POGK: variants seen among roughly 807,000 people sequenced by gnomAD.
POGK encodes the protein pogo transposable element derived with KRAB domain.
Under a neutral mutation model 54.4 loss-of-function variants are expected in POGK, and 16 were observed. The ratio of observed to expected loss-of-function variants is 0.29; its 90% CI spans 0.20 to 0.45. POGK has a LOEUF of 0.45. Among genes scored for constraint, POGK ranks in the 20% least tolerant of loss-of-function variants. The probability of loss-of-function intolerance (pLI) is 1.00; values close to 1 mark genes in which losing one functional copy is unlikely to be tolerated. For missense variants in POGK, 515 were observed against 795.6 expected (o/e 0.65, Z 4.24); for synonymous variants, 271 against 302.2 (o/e 0.90, Z 1.07).
chr1:166,855,633 A>G lies in POGK; in HGVS notation c.*3063A>G, dbSNP rs951634274. 4.6e-5 allele frequency: 7 copies of G among 152,292 alleles called. No homozygotes were observed. The highest frequency in any genetic ancestry group is 1.7e-4 in the African/African-American group (7 of 41,464). The allele number at this position is 152,292 out of a possible 1,614,324, so 9.4% of individuals were successfully genotyped here. A position where few individuals can be genotyped will look rare whatever the true frequency, so the allele number is the denominator to read the frequency against. ...ATACATGAGGCAAAGGCAGTCTTCC[A>G]GCATTCTATGGTCCCACCAGGTGGG... On this transcript the variant is annotated 3_prime_UTR_variant, in exon 6 of 6. Transcript: ENST00000367876.
rs1043069783 is a variant in POGK, at chr1:166,848,924, T to G, written c.359-14T>G. ...TACTGGCATTATTTTTGCCCCTCAC[T>G]ATTTGTCTCCCAGAAAATGAAGAAT... On this transcript the variant is annotated splice_polypyrimidine_tract_variant and intron_variant, in intron 4 of 5. Transcript: ENST00000367876. 1 of 1,571,956 alleles carries G rather than the reference T, an allele frequency of 6.4e-7. No homozygotes were observed. The highest frequency in any genetic ancestry group is 1.9e-5 in the Admixed American group (1 of 53,478).
intron 2 of POGK, among the ~76,000 whole-genome samples, chr1:166,844,402 G>C (rs957019366): frequency 2.6e-5 from 4 of 152,192 alleles, no homozygotes; most frequent in Non-Finnish European, 4.4e-5. Flanking sequence ...TTCTTTAAAA[G>C]CCTGGGAATT....
At chr1:166,848,690 C>T (rs1657937012) in intron 4 of POGK, among the ~76,000 whole-genome samples, 2 of 152,118 alleles carry the variant, frequency 1.3e-5, no homozygotes, top group Non-Finnish European at 2.9e-5. Flanking sequence ...ACCTCTGTAG[C>T]CTCCCCTTCT....
chr1:166,840,829 A>C, intron 1 of POGK, 126 bp from the exon 2 acceptor site: 1 of 1,204,268 alleles, frequency 8.3e-7, no homozygotes, highest in East Asian at 2.4e-5. Flanking sequence ...TTGTTTCCTT[A>C]CTTCCCTCCA....
At chr1:166,856,356 AAAAG>A (rs1382370060) in exon 6 of POGK, 19 of 151,936 alleles carry the variant, frequency 1.3e-4, no homozygotes, top group Admixed American at 1.1e-3. Context: ...AAAAAAAAAA[AAAAG>A]AAATGGCATA....
At chr1:166,848,868 C>A in intron 4 of POGK, 70 bp from the exon 5 acceptor site, 2 of 1,501,110 alleles carry the variant, frequency 1.3e-6, no homozygotes, top group Non-Finnish European at 1.8e-6. Flanking sequence ...GCATTTCAAC[C>A]CCCAAAAATC....
chr1:166,852,186 A>G (rs1282690261), intron 5 of POGK: 5 of 152,190 alleles, frequency 3.3e-5, no homozygotes, highest in African/African-American at 1.2e-4. Context: ...TTGAGTTTCC[A>G]TCTTTTCTTC....
Position 166,849,186 on chromosome 1 carries a change from G to T in POGK, c.607G>T (p.Gly203Trp). The change falls in exon 5 of 6, where the codon GGG becomes TGG. Residue 203 changes from glycine (G) to tryptophan (W), a missense_variant. By Grantham distance (184) the Gly-to-Trp change is radical. Coordinates refer to ENST00000367876, the MANE Select transcript of POGK (RefSeq NM_017542.5). ...GGGCATGCGCCGCAGTTACGACGCA[G>T]GGTTCAAGCTGATGGTAGTGGAATA... ...SRGMRRSYDAGFKLMVVEYAE... is the reference protein window; with the variant it reads ...SRGMRRSYDAWFKLMVVEYAE... The T allele has an allele frequency of 2.5e-6, 4 of 1,614,228 alleles. No homozygotes were observed. The highest frequency in any genetic ancestry group is 3.4e-6 in the Non-Finnish European group (4 of 1,180,050).
At chr1:166,844,090 A>G (rs913013492) in intron 2 of POGK, among the ~76,000 whole-genome samples, 1 of 152,190 alleles carries the variant, frequency 6.6e-6, no homozygotes, top group Non-Finnish European at 1.5e-5. Flanking sequence ...CTAAGCCACT[A>G]CACTGTGCCT....
At position 166,851,534 on chromosome 1, in the gene POGK, A is replaced by G. The variant is rs148931121; in HGVS notation, c.*15-1051A>G. 2.0e-4 allele frequency: 31 copies of G among 152,364 alleles called. 1 individual carries two copies. In the East Asian group the frequency reaches 6.0e-3, roughly 29 times the overall value. 9.4% of individuals were successfully genotyped at this position (152,364 alleles called of 1,614,324 possible). On this transcript the variant is annotated intron_variant, in intron 5 of 5. Transcript: ENST00000367876. ...AATAGGCCTGGAATTTTCTGGGTTGAGTACACAAGAAGAACAGCTTTCAAA... is the reference window on the plus strand; with the variant it reads ...AATAGGCCTGGAATTTTCTGGGTTGGGTACACAAGAAGAACAGCTTTCAAA...
At position 166,855,403 on chromosome 1, in the gene POGK, G is replaced by A. The variant is rs903093639; in HGVS notation, c.*2833G>A. On this transcript the variant is annotated 3_prime_UTR_variant, in exon 6 of 6. Coordinates refer to ENST00000367876, the MANE Select transcript of POGK (RefSeq NM_017542.5). ...CCTAATTAGAGAAGCGATTGCACTC[G>A]AGTCCCCACAGCTGGCAGTGGTGTT... 2.0e-5 allele frequency: 3 copies of A among 152,132 alleles called. No individual in the cohort carries two copies. The highest frequency in any genetic ancestry group is 2.0e-4 in the Admixed American group (3 of 15,282). The allele number at this position is 152,132 out of a possible 1,614,324, so 9.4% of individuals were successfully genotyped here. A position where few individuals can be genotyped will look rare whatever the true frequency, so the allele number is the denominator to read the frequency against.
At position 166,849,117 on chromosome 1, in the gene POGK, G is replaced by A; in HGVS notation, c.538G>A (p.Asp180Asn). 6.2e-7 allele frequency: 1 copy of A among 1,614,178 alleles called. No homozygotes were observed. The highest frequency in any genetic ancestry group is 8.5e-7 in the Non-Finnish European group (1 of 1,180,048). Reference sequence around the variant, plus strand: ...CATGGCCATGGGCTTCCCAGGGTATGACCTCTCGGCTGATGACATAGCTGG... The same window carrying A: ...CATGGCCATGGGCTTCCCAGGGTATAACCTCTCGGCTGATGACATAGCTGG... ...FYMAMGFPGY[D>N]LSADDIAGKF... Residue 180 changes from aspartate (D) to asparagine (N), a missense_variant, in exon 5 of 6, where the codon GAC (aspartate) becomes AAC (asparagine). Physicochemically the swap from Asp to Asn is conservative, Grantham distance 23. Transcript: ENST00000367876.
chr1:166,845,019 A>G (rs1481869859), intron 2 of POGK, among the ~76,000 whole-genome samples: 1 of 152,160 alleles, frequency 6.6e-6, no homozygotes, highest in East Asian at 1.9e-4. Context: ...AGGGAACTGC[A>G]CACAGCTGAG....
chr1:166,853,505 G>A lies in POGK; in HGVS notation c.*935G>A, dbSNP rs1183324314. On this transcript the variant is annotated 3_prime_UTR_variant, in exon 6 of 6. Coordinates refer to ENST00000367876, the MANE Select transcript of POGK (RefSeq NM_017542.5). ...TATCACGGGGCAGTGGGAGGGCTTG[G>A]GCTTTTAGCCACAGCTGTTTTAAGA... 2 of 152,562 alleles carry A rather than the reference G, an allele frequency of 1.3e-5. No homozygotes were observed. Among genetic ancestry groups the A allele is most frequent in the Non-Finnish European group, 1.5e-5 (1 of 68,040 alleles). 9.5% of individuals were successfully genotyped at this position (152,562 alleles called of 1,614,324 possible).
At position 166,846,745 on chromosome 1, in the gene POGK, C is replaced by T; in HGVS notation, c.259+7C>T. The T allele has an allele frequency of 1.9e-6, 3 of 1,613,986 alleles. No individual in the cohort carries two copies. The highest frequency in any genetic ancestry group is 2.2e-5 in the South Asian group (2 of 91,068). On this transcript the variant is annotated splice_region_variant and intron_variant, in intron 3 of 5. Transcript: ENST00000367876. ...GAAACTGTCCTGTCCCTGGGTAAAG[C>T]TGTGTTTTCCTTTGTCTCCTGGAAG... is the stretch of plus-strand genomic sequence containing the variant.
chr1:166,849,141 G>A lies in POGK; in HGVS notation c.562G>A (p.Gly188Arg). The change falls in exon 5 of 6, where the codon GGG becomes AGG. Residue 188 changes from glycine to arginine, a missense_variant. Transcript: ENST00000367876. Reference sequence around the variant, plus strand: ...TGACCTCTCGGCTGATGACATAGCTGGGAAGTTTCAGTTCAGCCGGGGCAT... The same window carrying A: ...TGACCTCTCGGCTGATGACATAGCTAGGAAGTTTCAGTTCAGCCGGGGCAT... ...GYDLSADDIA[G>R]KFQFSRGMRR... 6.2e-7 allele frequency: 1 copy of A among 1,614,218 alleles called. No individual in the cohort carries two copies. Among genetic ancestry groups the A allele is most frequent in the Non-Finnish European group, 8.5e-7 (1 of 1,180,036 alleles).
Position 166,849,914 on chromosome 1 carries a change from G to A in POGK, c.1335G>A (p.Leu445=), listed in dbSNP as rs1482384767. 2 of 1,614,266 alleles carry A rather than the reference G, an allele frequency of 1.2e-6. No individual in the cohort carries two copies. Among genetic ancestry groups the A allele is most frequent in the Admixed American group, 3.3e-5 (2 of 60,036 alleles). Residue 445 remains leucine, a synonymous_variant, in exon 5 of 6, where the codon TTG becomes TTA. Transcript: ENST00000367876. ...CHRYGWMTED[L]MQDWLEVVWR... ...GGTATGGGTGGATGACTGAAGACTT[G>A]ATGCAGGACTGGTTGGAAGTGGTGT...
In POGK at chr1:166,850,433, C is replaced by T; in HGVS notation, c.*14+10C>T. The T allele has an allele frequency of 1.3e-6, 2 of 1,578,710 alleles. No homozygotes were observed. Among genetic ancestry groups the T allele is most frequent in the Non-Finnish European group, 1.7e-6 (2 of 1,168,134 alleles). On this transcript the variant is annotated intron_variant, in intron 5 of 5. Coordinates refer to ENST00000367876, the MANE Select transcript of POGK (RefSeq NM_017542.5). Reference sequence around the variant, plus strand: ...GAAGGGAAAGGGAAAGGTAACCACTCAGGAGTAGATACTCAGTGCCTTTGC... The same window carrying T: ...GAAGGGAAAGGGAAAGGTAACCACTTAGGAGTAGATACTCAGTGCCTTTGC...
rs114432070 is a variant in POGK at position 166,844,848 on chromosome 1, T to G, written c.133-1764T>G. Among the ~76,000 whole-genome samples, 777 of 152,230 alleles carry G rather than the reference T, an allele frequency of 5.1e-3. 5 individuals are homozygous for G. The highest frequency in any genetic ancestry group is 0.018 in the African/African-American group (730 of 41,544). ...CCAGGACATTTCAGGGACATGTGGG[T>G]GTGCTCACAGCGTGGCACAGAGTGG... On this transcript the variant is annotated intron_variant, in intron 2 of 5. Coordinates refer to ENST00000367876, the MANE Select transcript of POGK (RefSeq NM_017542.5).
Sources: gnomAD v4.1 joint callset for allele counts (sites outside exome capture counted in the v4.1 genomes callset) on GRCh38, gnomAD v4.1.1 for gene constraint, MANE v1.5 for transcripts, NCBI Gene and HGNC (gene_info 2026-07-23, HGNC 2026-07-21) for gene names.